Variants in PRELID2 observed in about 807,000 individuals in gnomAD.
PRELID2 encodes PRELI domain-containing protein 2.
PRELID2 carries 25 observed loss-of-function variants against 28.4 expected under a neutral mutation model. The ratio of observed to expected loss-of-function variants is 0.88; its 90% CI spans 0.64 to 1.23. The LOEUF (loss-of-function observed/expected upper bound fraction) is 1.23. Among genes scored for constraint, PRELID2 ranks in the 50% most tolerant of loss-of-function variants. The probability of loss-of-function intolerance (pLI) is 0.00; values close to 1 mark genes in which losing one functional copy is unlikely to be tolerated. For synonymous variants in PRELID2, 76 were observed against 71.6 expected (o/e 1.06, Z -0.31); for missense variants, 201 against 214.4 (o/e 0.94, Z 0.39).
At chr5:145,634,878 A>T (rs1753979754) in intron 1 of PRELID2, among the ~76,000 whole-genome samples, 2 of 152,206 alleles carry the variant, frequency 1.3e-5, no homozygotes, top group Admixed American at 1.3e-4. Flanking sequence ...TTGCGTATTC[A>T]AGGCCCTCTA....
Position 145,629,482 on chromosome 5 carries a change from T to C in PRELID2, n.70+135449A>G, listed in dbSNP as rs370161047. On this transcript the variant is annotated intron_variant and non_coding_transcript_variant, in intron 1 of 2. Coordinates refer to the PRELID2 transcript ENST00000510259. The stretch of plus-strand genomic sequence containing the variant: ...GAGGAGCATGCCTGCCTGTGGGAAT[T>C]TGGAAGTAAAGTGGCCCATTAAACA... Among the ~76,000 whole-genome samples the C allele has an allele frequency of 1.7e-3, 262 of 152,284 alleles. 2 individuals carry two copies. Among genetic ancestry groups the C allele is most frequent in the Middle Eastern group, 6.8e-3 (2 of 294 alleles).
At chr5:145,298,493 A>T in the PRELID2 span, among the ~76,000 whole-genome samples, 1 of 152,090 alleles carries the variant, frequency 6.6e-6, no homozygotes, top group Non-Finnish European at 1.5e-5. Context: ...AGACTTAAAC[A>T]TTGTAGCAGT....
At chr5:145,437,191 G>A in the PRELID2 span, 1 of 152,154 alleles carries the variant, frequency 6.6e-6, no homozygotes. Context: ...GCCTTGCTGA[G>A]GAGGCGTTGA....
chr5:145,279,284 T>G, the PRELID2 span, among the ~76,000 whole-genome samples: 1 of 152,188 alleles, frequency 6.6e-6, no homozygotes. Context: ...CATTGCCAGG[T>G]TTCTTTTCCC....
chr5:145,611,364 A>G (rs1753614260), intron 1 of PRELID2, among the ~76,000 whole-genome samples: 1 of 152,150 alleles, frequency 6.6e-6, no homozygotes, highest in Non-Finnish European at 1.5e-5. Flanking sequence ...GGGTTTCACC[A>G]TATTGGCCAG....
intron 1 of PRELID2, among the ~76,000 whole-genome samples, chr5:145,741,958 T>TAAA (rs1561568839): frequency 0.27 from 3,019 of 11,338 alleles, 134 homozygotes; most frequent in African/African-American, 0.33. Context: ...TTTATTATAA[T>TAAA]TAAATAAATA....
chr5:145,443,533 A>G, the PRELID2 span, among the ~76,000 whole-genome samples: 72 of 152,250 alleles, frequency 4.7e-4, 1 homozygote, highest in South Asian at 0.015. Flanking sequence ...GACTTAAATA[A>G]AGGAAGAAAC....
At chr5:145,441,892 G>T in the PRELID2 span, among the ~76,000 whole-genome samples, 1 of 152,092 alleles carries the variant, frequency 6.6e-6, no homozygotes, top group Non-Finnish European at 1.5e-5. Flanking sequence ...TGCATGGTTG[G>T]TTCTTCATTG....
At chr5:145,243,715 AC>A in the PRELID2 span, among the ~76,000 whole-genome samples, 12,726 of 152,148 alleles carry the variant, frequency 0.084, 1,162 homozygotes, top group African/African-American at 0.23. Flanking sequence ...TTGGTAATAT[AC>A]AATTAAGGTT....
At chr5:145,286,951 CT>C in the PRELID2 span, among the ~76,000 whole-genome samples, 1 of 152,140 alleles carries the variant, frequency 6.6e-6, no homozygotes, top group South Asian at 2.1e-4. Flanking sequence ...CTCAGGTGAT[CT>C]GCCCGCCTCA....
chr5:145,285,289 A>G, the PRELID2 span, among the ~76,000 whole-genome samples: 1 of 152,154 alleles, frequency 6.6e-6, no homozygotes, highest in Non-Finnish European at 1.5e-5. Flanking sequence ...TTGGGAGTTG[A>G]GATTTAGGAA....
chr5:145,711,378 A>G (rs529593393), intron 1 of PRELID2, among the ~76,000 whole-genome samples: 2 of 152,326 alleles, frequency 1.3e-5, no homozygotes, highest in Admixed American at 6.5e-5. Context: ...AGGAGAGAAC[A>G]TACCCATGGC....
At chr5:145,716,056 G>A (rs1398853774) in intron 1 of PRELID2, among the ~76,000 whole-genome samples, 2 of 151,934 alleles carry the variant, frequency 1.3e-5, no homozygotes, top group East Asian at 3.9e-4. Context: ...TTTTTTTGGC[G>A]ATTTTTTTTT....
At chr5:145,461,087 G>C in the PRELID2 span, among the ~76,000 whole-genome samples, 1 of 152,118 alleles carries the variant, frequency 6.6e-6, no homozygotes, top group African/African-American at 2.4e-5. Flanking sequence ...AGACAAAGTA[G>C]TACAAATCAG....
At chr5:145,761,366 C>T (rs1039071746) in intron 6 of PRELID2, among the ~76,000 whole-genome samples, 1 of 152,198 alleles carries the variant, frequency 6.6e-6, no homozygotes, top group African/African-American at 2.4e-5. Context: ...TTAGTGACCA[C>T]TGTTGCTGGT....
the PRELID2 span, among the ~76,000 whole-genome samples, chr5:145,447,089 T>G: frequency 5.3e-5 from 4 of 74,924 alleles, no homozygotes; most frequent in Admixed American, 5.4e-4. Flanking sequence ...AAATAAAAAT[T>G]TAAAAATAAA....
intron 4 of PRELID2, among the ~76,000 whole-genome samples, chr5:145,800,521 G>T (rs1561624235): frequency 6.6e-6 from 1 of 152,112 alleles, no homozygotes; most frequent in African/African-American, 2.4e-5. Flanking sequence ...GAAATGAAAA[G>T]TTGAGCAGTC....
chr5:145,340,799 A>C, the PRELID2 span, among the ~76,000 whole-genome samples: 10 of 134,938 alleles, frequency 7.4e-5, no homozygotes, highest in East Asian at 6.3e-4. Context: ...ATATATATAT[A>C]TCCTCCCTAT....
intron 1 of PRELID2, chr5:145,826,296 T>C (rs1350725394): frequency 6.8e-6 from 3 of 441,068 alleles, no homozygotes; most frequent in Non-Finnish European, 9.0e-6. Flanking sequence ...CAATCCCCAT[T>C]TCATACTAGA....
Sources: gnomAD v4.1 joint callset for allele counts (sites outside exome capture counted in the v4.1 genomes callset) on GRCh38, gnomAD v4.1.1 for gene constraint, MANE v1.5 for transcripts, NCBI Gene and HGNC (gene_info 2026-07-23, HGNC 2026-07-21) for gene names.